The following SMNDC1 variants were observed in gnomAD, a reference collection of about 807,000 sequenced individuals.
SMNDC1 encodes survival of motor neuron-related-splicing factor 30.
SMNDC1 carries 5 observed loss-of-function variants against 29.2 expected under a neutral mutation model. The observed-to-expected ratio is 0.17, with a 90% CI of 0.09 to 0.36. The LOEUF (loss-of-function observed/expected upper bound fraction) is 0.36, where lower values mean the gene tolerates loss of function less well. Ranked by LOEUF, SMNDC1 falls within the 10% of genes least tolerant of loss-of-function variation. The pLI is 1.00. For missense variants in SMNDC1, 142 were observed against 268.5 expected (o/e 0.53, Z 3.29); for synonymous variants, 80 against 89.9 (o/e 0.89, Z 0.62).
rs1857511169 is a variant in SMNDC1 at position 110,292,578 on chromosome 10, T to A, written c.*1572A>T. 6.6e-6 allele frequency: 1 copy of A among 152,150 alleles called. No homozygotes were observed. The highest frequency in any genetic ancestry group is 2.1e-4 in the South Asian group (1 of 4,824). 9.4% of individuals were successfully genotyped at this position (152,150 alleles called of 1,614,324 possible). ...CTCTTAAGATGTTACAATAACAAAG[T>A]ATATTTTATTTAGAAGTTTACAGGC... is the stretch of plus-strand genomic sequence containing the variant. On this transcript the variant is annotated 3_prime_UTR_variant, in exon 6 of 6. Coordinates refer to ENST00000369603, the MANE Select transcript of SMNDC1 (RefSeq NM_005871.4).
intron 5 of SMNDC1, 40 bp downstream of exon 5, chr10:110,295,188 G>T (rs767987129): frequency 5.2e-6 from 8 of 1,524,848 alleles, no homozygotes; most frequent in Non-Finnish European, 5.3e-6. Flanking sequence ...AATGACAGTT[G>T]CATTTCTCAA....
At chr10:110,297,507 T>G in intron 4 of SMNDC1, 60 bp downstream of exon 4, 2 of 1,480,680 alleles carry the variant, frequency 1.4e-6, no homozygotes, top group Non-Finnish European at 1.9e-6. Context: ...CTCTGCAGAC[T>G]ACTTCAAGTA....
chr10:110,293,579 T>C lies in SMNDC1; in HGVS notation c.*571A>G, dbSNP rs906151986. On this transcript the variant is annotated 3_prime_UTR_variant, in exon 6 of 6. Coordinates refer to ENST00000369603, the MANE Select transcript of SMNDC1 (RefSeq NM_005871.4). Reference sequence around the variant, plus strand: ...TAAGAGTACATAAAAATAAAACAGCTAGATCAATTTTAGAGATGGCCTAAT... The same window carrying C: ...TAAGAGTACATAAAAATAAAACAGCCAGATCAATTTTAGAGATGGCCTAAT... 1.3e-5 allele frequency: 2 copies of C among 152,162 alleles called. No individual in the cohort carries two copies. The highest frequency in any genetic ancestry group is 4.8e-5 in the African/African-American group (2 of 41,452). The allele number at this position is 152,162 out of a possible 1,614,324, so 9.4% of individuals were successfully genotyped here.
In SMNDC1 at chr10:110,295,233, CT is replaced by C; in HGVS notation, c.573del (p.Gly192AlafsTer3). On this transcript the variant is annotated frameshift_variant, in exon 5 of 6. Coordinates refer to ENST00000369603, the MANE Select transcript of SMNDC1 (RefSeq NM_005871.4). LOFTEE classifies it high-confidence loss of function. ...GTGTAAAAAGATTTACCAACCTGGC[CT>C]TTTTTGTTTTTAGAATAGGCTCTGT... ...FNNRAYSKNK[K>X]GQVKRSIFAS... The C allele has an allele frequency of 1.9e-6, 3 of 1,587,110 alleles. No homozygotes were observed. Among genetic ancestry groups the C allele is most frequent in the Admixed American group, 3.8e-5 (2 of 52,158 alleles).
intron 4 of SMNDC1, among the ~76,000 whole-genome samples, chr10:110,295,884 T>G (rs1290720286): frequency 6.6e-6 from 1 of 152,224 alleles, no homozygotes; most frequent in East Asian, 1.9e-4. Flanking sequence ...TCAAGTGATC[T>G]GCCTGCCTTG....
chr10:110,294,342 T>C (rs1857537478), intron 5 of SMNDC1, 55 bp from the exon 6 acceptor site: 1 of 1,437,078 alleles, frequency 7.0e-7, no homozygotes, highest in Admixed American at 2.5e-5. Flanking sequence ...AAATAAAAAA[T>C]TTCAAATTTT....
intron 2 of SMNDC1, chr10:110,300,790 T>C (rs1857634004): frequency 2.3e-6 from 2 of 856,834 alleles, no homozygotes. Context: ...AACCAGCTTA[T>C]TCAGCAAAAC....
chr10:110,297,884 A>C (rs1857589274), intron 3 of SMNDC1, 156 bp from the exon 4 acceptor site: 1 of 651,932 alleles, frequency 1.5e-6, no homozygotes. Context: ...GAGTGGTTGA[A>C]GTTAGTTATC....
intron 5 of SMNDC1, 137 bp downstream of exon 5, chr10:110,295,091 G>T: frequency 1.5e-6 from 1 of 680,956 alleles, no homozygotes; most frequent in Non-Finnish European, 2.4e-6. Flanking sequence ...AAGTTAAATT[G>T]AGCATCAACA....
In SMNDC1 at chr10:110,292,028, A is replaced by G. The variant is rs1012800945; in HGVS notation, c.*2122T>C. The G allele has an allele frequency of 6.6e-6, 1 of 152,204 alleles. No homozygotes were observed. The highest frequency in any genetic ancestry group is 1.5e-5 in the Non-Finnish European group (1 of 68,026). 9.4% of individuals were successfully genotyped at this position (152,204 alleles called of 1,614,324 possible). A position where few individuals can be genotyped will look rare whatever the true frequency, so the allele number is the denominator to read the frequency against. ...TTAAATTTTCTAACAAAGCTTTTTA[A>G]GGTCAAGGTTTATATTTTGTTTCAG... On this transcript the variant is annotated 3_prime_UTR_variant, in exon 6 of 6. Coordinates refer to ENST00000369603, the MANE Select transcript of SMNDC1 (RefSeq NM_005871.4).
rs1394490782 is a variant in SMNDC1, at chr10:110,293,802, G to GC, written c.*347dup. 6.2e-6 allele frequency: 1 copy of GC among 160,420 alleles called. No individual in the cohort carries two copies. The allele number at this position is 160,420 out of a possible 1,614,324, so 9.9% of individuals were successfully genotyped here. On this transcript the variant is annotated 3_prime_UTR_variant, in exon 6 of 6. Coordinates refer to ENST00000369603, the MANE Select transcript of SMNDC1 (RefSeq NM_005871.4). Reference sequence around the variant, plus strand: ...TGCTAGAGTATGTGTCAAGTTCAAAGCATCTGAAAATTTCAAGTTACAACT... The same window carrying GC: ...TGCTAGAGTATGTGTCAAGTTCAAAGCCATCTGAAAATTTCAAGTTACAACT...
At chr10:110,295,485 A>G (rs1226686536) in intron 4 of SMNDC1, 104 bp from the exon 5 acceptor site, 1 of 746,396 alleles carries the variant, frequency 1.3e-6, no homozygotes, top group Non-Finnish European at 2.0e-6. Flanking sequence ...AAACATATAC[A>G]ATGGTCTATG....
At chr10:110,297,087 A>G (rs1303175072) in intron 4 of SMNDC1, among the ~76,000 whole-genome samples, 1 of 152,234 alleles carries the variant, frequency 6.6e-6, no homozygotes, top group African/African-American at 2.4e-5. Context: ...TACTCTTTTC[A>G]AATCTCAGTT....
At position 110,291,870 on chromosome 10, in the gene SMNDC1, C is replaced by A. The variant is rs1234872993; in HGVS notation, c.*2280G>T. The stretch of plus-strand genomic sequence containing the variant: ...TGTTCTTTCCTTGAAATGGTAACAA[C>A]AGTCAAACGTCAAGCTTTGGTAAGT... On this transcript the variant is annotated 3_prime_UTR_variant, in exon 6 of 6. Coordinates refer to ENST00000369603, the MANE Select transcript of SMNDC1 (RefSeq NM_005871.4). 6.6e-6 allele frequency: 1 copy of A among 152,140 alleles called. No individual in the cohort carries two copies. Among genetic ancestry groups the A allele is most frequent in the African/African-American group, 2.4e-5 (1 of 41,434 alleles). The allele number at this position is 152,140 out of a possible 1,614,324, so 9.4% of individuals were successfully genotyped here.
At chr10:110,295,541 T>C (rs1168482390) in intron 4 of SMNDC1, among the ~76,000 whole-genome samples, 160 bp from the exon 5 acceptor site, 4 of 152,054 alleles carry the variant, frequency 2.6e-5, no homozygotes, top group Non-Finnish European at 1.5e-5. Context: ...TCACCCAGAA[T>C]TACTAAGAAA....
At chr10:110,298,895 T>C in intron 2 of SMNDC1, 105 bp from the exon 3 acceptor site, 1 of 786,798 alleles carries the variant, frequency 1.3e-6, no homozygotes, top group East Asian at 2.7e-5. Flanking sequence ...TCTACATATA[T>C]TTCATTTGCA....
Position 110,297,705 on chromosome 10 carries a change from T to G in SMNDC1, c.287A>C (p.Glu96Ala). The change falls in exon 4 of 6, where the codon GAG becomes GCG. Residue 96 changes from glutamate to alanine, a missense_variant. Coordinates refer to ENST00000369603, the MANE Select transcript of SMNDC1 (RefSeq NM_005871.4). The stretch of plus-strand genomic sequence containing the variant: ...AGCGGTGCCATTTTCTTCATCTATC[T>G]CCTCAATCTCCGCTTCATAACACCT... ...DGQCYEAEIE[E>A]IDEENGTAAI... 6.2e-7 allele frequency: 1 copy of G among 1,613,848 alleles called. No individual in the cohort carries two copies. Among genetic ancestry groups the G allele is most frequent in the Non-Finnish European group, 8.5e-7 (1 of 1,179,884 alleles).
At chr10:110,297,092 T>G (rs949279004) in intron 4 of SMNDC1, among the ~76,000 whole-genome samples, 16 of 152,228 alleles carry the variant, frequency 1.1e-4, no homozygotes, top group Non-Finnish European at 4.4e-5. Context: ...TTTTCAAATC[T>G]CAGTTTAGAT....
intron 2 of SMNDC1, chr10:110,300,650 TTG>T: frequency 1.0e-6 from 1 of 985,272 alleles, no homozygotes. Context: ...GCATCAGGTG[TTG>T]TGATCTACAT....
Sources: gnomAD v4.1 joint callset for allele counts (sites outside exome capture counted in the v4.1 genomes callset) on GRCh38, gnomAD v4.1.1 for gene constraint, MANE v1.5 for transcripts, NCBI Gene and HGNC (gene_info 2026-07-23, HGNC 2026-07-21) for gene names.